MYH16: variants seen among roughly 807,000 people sequenced by gnomAD.
MYH16 encodes putative uncharacterized protein MYH16.
At position 99,292,302 on chromosome 7, in the gene MYH16, G is replaced by C. The variant is rs1284653776; in HGVS notation, n.3953-10G>C. 2.2e-6 allele frequency: 1 copy of C among 454,940 alleles called. No individual in the cohort carries two copies. Among genetic ancestry groups the C allele is most frequent in the Non-Finnish European group, 4.4e-6 (1 of 225,820 alleles). 28.2% of individuals were successfully genotyped at this position (454,940 alleles called of 1,614,324 possible). Reference sequence around the variant, plus strand: ...GCCCCCACGGGCGCCTGACAGGCTGGTCCCCACAGTCTCGCAGCACCGCCG... The same window carrying C: ...GCCCCCACGGGCGCCTGACAGGCTGCTCCCCACAGTCTCGCAGCACCGCCG... On this transcript the variant is annotated splice_polypyrimidine_tract_variant and intron_variant and non_coding_transcript_variant, in intron 31 of 41. Coordinates refer to ENST00000439784, the Ensembl canonical transcript of MYH16.
At chr7:99,307,598 C>G (rs1457411930), downstream of MYH16, among the ~76,000 whole-genome samples, 1 of 151,928 alleles carries the variant, frequency 6.6e-6, no homozygotes, top group African/African-American at 2.4e-5. Context: ...GTGGTGCACA[C>G]CTGTAGTCCC....
At chr7:99,281,196 G>A (rs912259574) in intron 23 of MYH16, among the ~76,000 whole-genome samples, 1 of 152,196 alleles carries the variant, frequency 6.6e-6, no homozygotes, top group Admixed American at 6.5e-5. Context: ...TTTGTTATAA[G>A]TGGGGTGACA....
downstream of MYH16, among the ~76,000 whole-genome samples, chr7:99,309,865 T>G (rs1398676877): frequency 6.6e-6 from 1 of 152,080 alleles, no homozygotes; most frequent in Non-Finnish European, 1.5e-5. Context: ...CATTTTGTTT[T>G]TATTTAATAA....
At chr7:99,304,998 C>A (rs1223670013) in intron 40 of MYH16, among the ~76,000 whole-genome samples, 1 of 151,814 alleles carries the variant, frequency 6.6e-6, no homozygotes, top group Non-Finnish European at 1.5e-5. Flanking sequence ...CCAGCCGGGG[C>A]AACATAGTGA....
chr7:99,251,830 G>C (rs567863113), intron 6 of MYH16, among the ~76,000 whole-genome samples: 1 of 151,932 alleles, frequency 6.6e-6, no homozygotes, highest in Non-Finnish European at 1.5e-5. Flanking sequence ...AAAATTAGCC[G>C]GGCATGGCCA....
chr7:99,291,626 C>CA (rs1554338946), intron 31 of MYH16, among the ~76,000 whole-genome samples, 176 bp downstream of exon 12: 9 of 115,522 alleles, frequency 7.8e-5, no homozygotes, highest in Non-Finnish European at 1.2e-4. Flanking sequence ...GACCCCCCCC[C>CA]ACCCCCCCCA....
intron 23 of MYH16, among the ~76,000 whole-genome samples, chr7:99,282,716 AT>A (rs1385993104): frequency 6.6e-6 from 1 of 151,958 alleles, no homozygotes; most frequent in Non-Finnish European, 1.5e-5. Flanking sequence ...TAGAAAAAAA[AT>A]TAGCTGGGAG....
chr7:99,304,742 A>C (rs970902923), exon 40 of MYH16: 10 of 152,950 alleles, frequency 6.5e-5, no homozygotes, highest in African/African-American at 2.4e-4. Flanking sequence ...AACGATCATG[A>C]AGCTGGAGGC....
At chr7:99,294,051 A>C (rs1253272167) in exon 33 of MYH16, 1 of 455,676 alleles carries the variant, frequency 2.2e-6, no homozygotes, top group South Asian at 1.6e-5. Flanking sequence ...AGGAGGCAGA[A>C]GAAGCAGCTG....
At position 99,301,132 on chromosome 7, in the gene MYH16, T is replaced by C. The variant is rs575853650; in HGVS notation, n.4934-469T>C. Among the ~76,000 whole-genome samples the C allele has an allele frequency of 2.6e-4, 36 of 136,272 alleles. 1 individual carries two copies. The highest frequency in any genetic ancestry group is 2.6e-3 in the Admixed American group (32 of 12,168). The allele number at this position is 136,272 out of a possible 152,430, so 89.4% of individuals were successfully genotyped here. On this transcript the variant is annotated intron_variant and non_coding_transcript_variant, in intron 37 of 41. Coordinates refer to ENST00000439784, the Ensembl canonical transcript of MYH16. ...ATCACTTGAACCCGGGAGGCGGAGA[T>C]TGTAGTGGAGCTGAGATCATGCCAT... is the stretch of plus-strand genomic sequence containing the variant.
intron 28 of MYH16, among the ~76,000 whole-genome samples, chr7:99,287,533 C>CAAAA (rs397889162): frequency 1.9e-4 from 9 of 46,880 alleles, no homozygotes; most frequent in African/African-American, 2.7e-4. Flanking sequence ...AACTTCTTCT[C>CAAAA]AAAAAAAAAA....
intron 20 of MYH16, 52 bp from the exon 3 acceptor site, chr7:99,277,487 C>A (rs1459891378): frequency 4.6e-6 from 2 of 432,180 alleles, no homozygotes; most frequent in Admixed American, 2.5e-5. Context: ...CTCCGTCTAC[C>A]CCCCAGCAAA....
chr7:99,258,879 C>G (rs575655352), intron 11 of MYH16, among the ~76,000 whole-genome samples: 1 of 152,046 alleles, frequency 6.6e-6, no homozygotes, highest in African/African-American at 2.4e-5. Flanking sequence ...CTACCTGAGA[C>G]TGGGTAATTT....
intron 38 of MYH16, among the ~76,000 whole-genome samples, 168 bp from the exon 20 acceptor site, chr7:99,302,897 A>T (rs1049332071): frequency 1.7e-4 from 22 of 126,744 alleles, no homozygotes; most frequent in African/African-American, 7.5e-4. Context: ...AAAAAAAAAG[A>T]AAAAAAAAAG....
rs140826682 is a variant in MYH16 at position 99,286,765 on chromosome 7, C to T, written n.3460+241C>T. Among the ~76,000 whole-genome samples the T allele has an allele frequency of 3.6e-4, 55 of 151,562 alleles. No homozygotes were observed. The East Asian group carries it at 0.01, about 28-fold the overall frequency. On this transcript the variant is annotated intron_variant and non_coding_transcript_variant, in intron 28 of 41. Coordinates refer to ENST00000439784, the Ensembl canonical transcript of MYH16. ...CTTGAGCCCAGGGATTTCTGACCAG[C>T]CTGGGCAACACAGCAAAAGCCCATC... is the stretch of plus-strand genomic sequence containing the variant.
At chr7:99,277,777 G>A (rs183515793) in intron 21 of MYH16, 65 bp downstream of exon 3, 129 of 385,562 alleles carry the variant, frequency 3.3e-4, no homozygotes, top group African/African-American at 2.5e-3. Flanking sequence ...GAGGGAGGAA[G>A]GGCGAGCTCT....
intron 31 of MYH16, among the ~76,000 whole-genome samples, 185 bp downstream of exon 12, chr7:99,291,635 C>CCCCCCCA (rs1792380967): frequency 7.4e-6 from 1 of 134,548 alleles, no homozygotes; most frequent in Non-Finnish European, 1.6e-5. Flanking sequence ...CCACCCCCCC[C>CCCCCCCA]ACCCCCAACG....
chr7:99,246,906 A>G (rs1359888653), intron 2 of MYH16, among the ~76,000 whole-genome samples: 1 of 152,082 alleles, frequency 6.6e-6, no homozygotes, highest in Non-Finnish European at 1.5e-5. Flanking sequence ...CAACTTTACG[A>G]TGGGGCAAAA....
intron 41 of MYH16, among the ~76,000 whole-genome samples, chr7:99,306,294 C>T (rs1023221633): frequency 2.6e-5 from 4 of 152,008 alleles, no homozygotes; most frequent in African/African-American, 4.8e-5. Context: ...TTTGGGAGGT[C>T]GAGGTAGGTG....
Sources: gnomAD v4.1 joint callset for allele counts (sites outside exome capture counted in the v4.1 genomes callset) on GRCh38, gnomAD v4.1.1 for gene constraint, MANE v1.5 for transcripts, NCBI Gene and HGNC (gene_info 2026-07-23, HGNC 2026-07-21) for gene names.